The following ZFAND2A variants were observed in gnomAD, a reference collection of about 807,000 sequenced individuals.
The protein encoded by ZFAND2A is zinc finger AN1-type containing 2A.
Under a neutral mutation model 11.6 loss-of-function variants are expected in ZFAND2A, and 20 were observed. The observed-to-expected ratio is 1.72, with a 90% CI of 1.21 to 2.50. The LOEUF (loss-of-function observed/expected upper bound fraction) is 2.50, where lower values mean the gene tolerates loss of function less well. ZFAND2A is among the 30% of genes most tolerant of loss of function. The probability of loss-of-function intolerance (pLI) is 0.00; values close to 1 mark genes in which losing one functional copy is unlikely to be tolerated. For missense variants in ZFAND2A, 234 were observed against 182.9 expected, an observed-to-expected ratio of 1.28 and a Z score of -1.61; for synonymous variants, 93 against 60.6, an observed-to-expected ratio of 1.54 and a Z score of -2.48.
chr7:1,152,277 G>C, downstream of ZFAND2A: 1 of 1,582,792 alleles, frequency 6.3e-7, no homozygotes, highest in Non-Finnish European at 8.6e-7. Context: ...CGCTGGGCCA[G>C]CCCGCCAGGA....
downstream of ZFAND2A, among the ~76,000 whole-genome samples, chr7:1,149,684 T>C (rs1793362553): frequency 6.6e-6 from 1 of 152,182 alleles, no homozygotes; most frequent in South Asian, 2.1e-4. Context: ...AGCCTGTGGC[T>C]CCCAGGCTAC....
At chr7:1,151,610 T>C (rs1005717892), downstream of ZFAND2A, among the ~76,000 whole-genome samples, 3 of 151,948 alleles carry the variant, frequency 2.0e-5, no homozygotes, top group African/African-American at 4.8e-5. Flanking sequence ...TATAAAAGAT[T>C]AGCCGGGCAT....
At chr7:1,153,318 G>A (rs1793444510) in intron 4 of ZFAND2A, 94 bp from the exon 5 acceptor site, 18 of 1,392,424 alleles carry the variant, frequency 1.3e-5, no homozygotes, top group Non-Finnish European at 1.7e-5. Flanking sequence ...CTTGATCTTG[G>A]CTCACTGCAA....
chr7:1,150,277 A>G (rs550357507), downstream of ZFAND2A, among the ~76,000 whole-genome samples: 9 of 152,212 alleles, frequency 5.9e-5, no homozygotes, highest in African/African-American at 2.2e-4. Flanking sequence ...GCAGAACGCC[A>G]ACAGAATACA....
intron 2 of ZFAND2A, among the ~76,000 whole-genome samples, chr7:1,157,955 G>A (rs1434183202): frequency 6.6e-6 from 1 of 152,148 alleles, no homozygotes; most frequent in African/African-American, 2.4e-5. Context: ...CAGCCCCCTG[G>A]ATCCACCTGG....
chr7:1,149,661 G>A (rs1467253288), downstream of ZFAND2A, among the ~76,000 whole-genome samples: 1 of 152,202 alleles, frequency 6.6e-6, no homozygotes. Context: ...TCCACACCCA[G>A]GCTGTAGGGC....
rs779982894 is a variant in ZFAND2A, at chr7:1,157,682, G to C, written c.124C>G (p.His42Asp). ...TTCTGGAATGCAAACGGACACTTAT[G>C]TGCAGCGTATGGAAAATGATCTTTA... is the stretch of plus-strand genomic sequence containing the variant. ...FCKDHFPYAA[H>D]KCPFAFQKDV... The change falls in exon 3 of 5, where the codon CAT becomes GAT. Residue 42 changes from histidine (H) to aspartate (D), a missense_variant. Transcript: ENST00000316495. The C allele has an allele frequency of 1.3e-6, 2 of 1,573,770 alleles. No individual in the cohort carries two copies. The highest frequency in any genetic ancestry group is 1.7e-6 in the Non-Finnish European group (2 of 1,165,626).
chr7:1,158,638 C>T (rs1021324196), intron 1 of ZFAND2A, among the ~76,000 whole-genome samples: 1 of 150,072 alleles, frequency 6.7e-6, no homozygotes, highest in Non-Finnish European at 1.5e-5. Context: ...TGCTAAATCA[C>T]ATCAGTTGAC....
intron 2 of ZFAND2A, 54 bp from the exon 3 acceptor site, chr7:1,157,804 G>T: frequency 1.5e-6 from 2 of 1,341,380 alleles, no homozygotes; most frequent in Non-Finnish European, 2.0e-6. Context: ...AATACTTCCA[G>T]ATAGTACTAT....
At chr7:1,158,841 G>A (rs2128259173) in intron 1 of ZFAND2A, among the ~76,000 whole-genome samples, 1 of 152,188 alleles carries the variant, frequency 6.6e-6, no homozygotes, top group Non-Finnish European at 1.5e-5. Context: ...GAGAATCAAG[G>A]GGCTCACGAG....
chr7:1,156,645 G>A (rs1793532239), intron 3 of ZFAND2A, among the ~76,000 whole-genome samples: 1 of 152,252 alleles, frequency 6.6e-6, no homozygotes, highest in Non-Finnish European at 1.5e-5. Flanking sequence ...CTGAGCCAGG[G>A]CAGGAATTGA....
chr7:1,157,583 C>T, intron 3 of ZFAND2A, 73 bp downstream of exon 3: 1 of 1,406,682 alleles, frequency 7.1e-7, no homozygotes, highest in South Asian at 1.3e-5. Context: ...CGTCGCTAGT[C>T]CCTACCATAC....
Position 1,158,151 on chromosome 7 carries a change from T to G in ZFAND2A, c.55+7A>C, listed in dbSNP as rs756839346. ...CATTTTCTATTAAGTCTCTTAAAAG[T>G]ACTCACCTAGCTGCTTGCAAGTCTT... On this transcript the variant is annotated splice_region_variant and intron_variant, in intron 2 of 4. Coordinates refer to ENST00000316495, the MANE Select transcript of ZFAND2A (RefSeq NM_182491.4). The G allele has an allele frequency of 6.2e-7, 1 of 1,613,340 alleles. No individual in the cohort carries two copies. The highest frequency in any genetic ancestry group is 1.3e-5 in the African/African-American group (1 of 75,054).
chr7:1,151,850 G>C (rs747741165), downstream of ZFAND2A, among the ~76,000 whole-genome samples: 1 of 151,680 alleles, frequency 6.6e-6, no homozygotes, highest in South Asian at 2.1e-4. Context: ...TTAGAAGTAT[G>C]GGGAGTACCT....
In ZFAND2A at chr7:1,158,633, AATCAC is replaced by A. The variant is rs146847308; in HGVS notation, c.-45-381_-45-377del. On this transcript the variant is annotated intron_variant, in intron 1 of 4. Transcript: ENST00000316495. Reference sequence around the variant, plus strand: ...AACAAAACTCTGTTACTAGGTGCTAAATCACATCAGTTGACTCCATTATCCAGAGA... The same window carrying A: ...AACAAAACTCTGTTACTAGGTGCTAAATCAGTTGACTCCATTATCCAGAGA... Among the ~76,000 whole-genome samples the A allele has an allele frequency of 7.1e-3, 1,086 of 152,318 alleles. 6 individuals carry two copies. Among genetic ancestry groups the A allele is most frequent in the African/African-American group, 0.025 (1,044 of 41,558 alleles).
intron 1 of ZFAND2A, among the ~76,000 whole-genome samples, chr7:1,158,509 T>C (rs1396278170): frequency 6.6e-6 from 1 of 152,206 alleles, no homozygotes; most frequent in Non-Finnish European, 1.5e-5. Context: ...AAACTCACAC[T>C]GAGGGGGCGA....
At chr7:1,151,404 G>A (rs548361966), downstream of ZFAND2A, among the ~76,000 whole-genome samples, 11 of 152,148 alleles carry the variant, frequency 7.2e-5, no homozygotes, top group Admixed American at 2.6e-4. Context: ...TAGTCACATC[G>A]TTACAGAGGT....
intron 1 of ZFAND2A, among the ~76,000 whole-genome samples, chr7:1,159,513 A>T (rs1388415031): frequency 7.3e-6 from 1 of 136,750 alleles, no homozygotes; most frequent in African/African-American, 2.8e-5. Context: ...GGTCCCCAGC[A>T]GACAGCCGGA....
chr7:1,152,356 G>C, downstream of ZFAND2A: 1 of 1,552,158 alleles, frequency 6.4e-7, no homozygotes, highest in African/African-American at 1.4e-5. Context: ...TACAGAGAGG[G>C]TGGATGGATC....
Sources: gnomAD v4.1 joint callset for allele counts (sites outside exome capture counted in the v4.1 genomes callset) on GRCh38, gnomAD v4.1.1 for gene constraint, MANE v1.5 for transcripts, NCBI Gene and HGNC (gene_info 2026-07-23, HGNC 2026-07-21) for gene names.